Variants in MYBL1 observed in about 807,000 individuals in gnomAD.
MYBL1 encodes the protein MYB proto-oncogene like 1, also known as myb-related protein A.
MYBL1 carries 17 observed loss-of-function variants against 96.3 expected under a neutral mutation model. That is an observed-to-expected ratio of 0.18 (90% CI 0.12 to 0.26). The LOEUF (loss-of-function observed/expected upper bound fraction) is 0.26. Ranked by LOEUF, MYBL1 falls within the 10% of genes least tolerant of loss-of-function variation. The pLI is 1.00. For missense variants in MYBL1, 701 were observed against 882.9 expected (o/e 0.79, Z 2.61); for synonymous variants, 282 against 292.7 (o/e 0.96, Z 0.37).
At chr8:66,577,104 A>C (rs1411882044) in intron 9 of MYBL1, among the ~76,000 whole-genome samples, 1 of 151,880 alleles carries the variant, frequency 6.6e-6, no homozygotes, top group Non-Finnish European at 1.5e-5. Flanking sequence ...ATCTATGACA[A>C]ACCCACAGCC....
intron 1 of MYBL1, 55 bp from the exon 2 acceptor site, chr8:66,602,578 C>T: frequency 1.6e-6 from 2 of 1,262,400 alleles, no homozygotes; most frequent in Admixed American, 3.9e-5. Context: ...TTTGTAAATT[C>T]AAACACTGAA....
At position 66,613,149 on chromosome 8, in the gene MYBL1, C is replaced by T. The variant is rs1435861177; in HGVS notation, c.-311G>A. 5.0e-6 allele frequency: 2 copies of T among 401,828 alleles called. No individual in the cohort carries two copies. Among genetic ancestry groups the T allele is most frequent in the East Asian group, 7.1e-5 (2 of 28,096 alleles). 24.9% of individuals were successfully genotyped at this position (401,828 alleles called of 1,614,324 possible). On this transcript the variant is annotated 5_prime_UTR_variant, in exon 1 of 16. Coordinates refer to ENST00000522677, the MANE Select transcript of MYBL1 (RefSeq NM_001080416.4). ...CTCCCGCCGCTTGTCAGCCTCCCTG[C>T]CCTGGCCCCAGCCCGGCTCCGCCAC...
intron 3 of MYBL1, among the ~76,000 whole-genome samples, chr8:66,599,629 C>A (rs751029729): frequency 6.6e-6 from 1 of 151,960 alleles, no homozygotes; most frequent in African/African-American, 2.4e-5. Context: ...GGAGAAACCC[C>A]GTCTCTACTA....
At chr8:66,568,482 T>C (rs1808602472) in intron 12 of MYBL1, among the ~76,000 whole-genome samples, 1 of 152,014 alleles carries the variant, frequency 6.6e-6, no homozygotes, top group Non-Finnish European at 1.5e-5. Context: ...GTATTTTTAC[T>C]AGAGACGGGG....
intron 14 of MYBL1, 94 bp downstream of exon 14, chr8:66,566,590 T>C: frequency 1.3e-6 from 1 of 769,472 alleles, no homozygotes; most frequent in Non-Finnish European, 2.0e-6. Context: ...TCCATGAATT[T>C]CTAATGAACT....
chr8:66,605,845 G>A (rs963035613), intron 1 of MYBL1, among the ~76,000 whole-genome samples: 2 of 152,080 alleles, frequency 1.3e-5, no homozygotes, highest in African/African-American at 4.8e-5. Flanking sequence ...TGAATTAGAG[G>A]ATTCTGAGTA....
intron 1 of MYBL1, among the ~76,000 whole-genome samples, chr8:66,610,998 C>T (rs1435323984): frequency 6.6e-6 from 1 of 152,134 alleles, no homozygotes; most frequent in Non-Finnish European, 1.5e-5. Flanking sequence ...AGATTTCAAG[C>T]TCACAGTATT....
intron 10 of MYBL1, among the ~76,000 whole-genome samples, chr8:66,575,276 G>C (rs182221231): frequency 2.6e-5 from 4 of 152,216 alleles, no homozygotes; most frequent in African/African-American, 9.6e-5. Context: ...AACCTCAGTG[G>C]GCAAACTAAA....
chr8:66,585,205 A>C (rs1809365743), intron 8 of MYBL1, among the ~76,000 whole-genome samples: 1 of 152,198 alleles, frequency 6.6e-6, no homozygotes, highest in Non-Finnish European at 1.5e-5. Flanking sequence ...AGAATACATA[A>C]CCCAGAAATA....
At chr8:66,604,879 G>A (rs2130041940) in intron 1 of MYBL1, among the ~76,000 whole-genome samples, 1 of 152,288 alleles carries the variant, frequency 6.6e-6, no homozygotes, top group East Asian at 1.9e-4. Context: ...AATGATAGAA[G>A]GAGAAACAGA....
chr8:66,574,938 C>T (rs1185412254), intron 10 of MYBL1, among the ~76,000 whole-genome samples: 11 of 152,152 alleles, frequency 7.2e-5, no homozygotes, highest in Admixed American at 7.2e-4. Context: ...CCTGTAATCC[C>T]AGCTACTCGG....
chr8:66,592,522 G>C lies in MYBL1; in HGVS notation c.785C>G (p.Pro262Arg). 1 of 1,595,406 alleles carries C rather than the reference G, an allele frequency of 6.3e-7. No individual in the cohort carries two copies. The highest frequency in any genetic ancestry group is 2.3e-5 in the East Asian group (1 of 44,376). The change falls in exon 8 of 16, where the codon CCT becomes CGT. Residue 262 changes from proline to arginine, a missense_variant. Coordinates refer to ENST00000522677, the MANE Select transcript of MYBL1 (RefSeq NM_001080416.4). The part of the protein sequence containing the change: ...FIQQPFIDED[P>R]DKEKKIKELE... ...TTCCTTTATTTTCTTTTCCTTATCA[G>C]GATCTTCATCAATGAAGGGTTGCTA...
intron 15 of MYBL1, chr8:66,565,501 G>A (rs1264667818): frequency 6.6e-6 from 1 of 152,316 alleles, no homozygotes; most frequent in African/African-American, 2.4e-5. Flanking sequence ...TACTAGTGCT[G>A]CAGTCACTGT....
At chr8:66,603,140 C>A (rs138943550) in intron 1 of MYBL1, among the ~76,000 whole-genome samples, 58 of 152,100 alleles carry the variant, frequency 3.8e-4, no homozygotes, top group African/African-American at 8.7e-4. Context: ...GGAATTTGAC[C>A]TTTATTCTTT....
chr8:66,611,372 C>T (rs1259026220), intron 1 of MYBL1, among the ~76,000 whole-genome samples: 1 of 152,108 alleles, frequency 6.6e-6, no homozygotes, highest in Non-Finnish European at 1.5e-5. Context: ...ATTACAAGAG[C>T]TTTAAATATC....
At chr8:66,590,292 C>T (rs895495044) in intron 8 of MYBL1, among the ~76,000 whole-genome samples, 8 of 151,864 alleles carry the variant, frequency 5.3e-5, no homozygotes, top group African/African-American at 1.7e-4. Context: ...CATTCAGTCC[C>T]AAACAAAAAA....
At chr8:66,598,936 C>T (rs1254266748) in intron 4 of MYBL1, 114 bp downstream of exon 4, 3 of 565,936 alleles carry the variant, frequency 5.3e-6, no homozygotes, top group Admixed American at 4.4e-5. Flanking sequence ...AAGTAGCCTC[C>T]GGAGAACAAA....
Position 66,572,584 on chromosome 8 carries a change from AG to A in MYBL1, c.1625del (p.Pro542LeufsTer50). On this transcript the variant is annotated frameshift_variant, in exon 12 of 16. Transcript: ENST00000522677. LOFTEE classifies it high-confidence loss of function. ...DQKENVGFRTPTIRRSILGTT... is the reference protein window; with the variant it reads ...DQKENVGFRTXTIRRSILGTT... ...TACCCAGTATAGATCTTCTAATAGT[AG>A]GTGTTCTAAACCTATCCAGTCATTT... 1 of 1,534,770 alleles carries A rather than the reference AG, an allele frequency of 6.5e-7. No individual in the cohort carries two copies. Among genetic ancestry groups the A allele is most frequent in the East Asian group, 2.3e-5 (1 of 44,274 alleles).
chr8:66,597,554 G>C lies in MYBL1; in HGVS notation c.292-4C>G, dbSNP rs756631922. On this transcript the variant is annotated splice_polypyrimidine_tract_variant and splice_region_variant and intron_variant, in intron 4 of 15. Transcript: ENST00000522677. The stretch of plus-strand genomic sequence containing the variant: ...ATTTCTGAACTAATTCAATAACCTA[G>C]GAAACAGAAAAACAAAGTTTAAAAA... 6.4e-7 allele frequency: 1 copy of C among 1,557,566 alleles called. No homozygotes were observed. The highest frequency in any genetic ancestry group is 1.2e-5 in the South Asian group (1 of 84,344).
Sources: gnomAD v4.1 joint callset for allele counts (sites outside exome capture counted in the v4.1 genomes callset) on GRCh38, gnomAD v4.1.1 for gene constraint, MANE v1.5 for transcripts, NCBI Gene and HGNC (gene_info 2026-07-23, HGNC 2026-07-21) for gene names.